The following PARP16 variants were observed in gnomAD, a reference collection of about 807,000 sequenced individuals.
The protein encoded by PARP16 is poly(ADP-ribose) polymerase family member 16, also known as protein mono-ADP-ribosyltransferase PARP16.
In PARP16, 31 loss-of-function variants were observed where a neutral mutation model predicts 35.0. The observed-to-expected ratio is 0.88, with a 90% CI of 0.66 to 1.19. The LOEUF (loss-of-function observed/expected upper bound fraction) is 1.19. PARP16 is among the 50% of genes most tolerant of loss of function. The pLI is 0.00. For missense variants in PARP16, 424 were observed against 411.2 expected (o/e 1.03, Z -0.27); for synonymous variants, 162 against 169.5 (o/e 0.96, Z 0.34).
intron 1 of PARP16, among the ~76,000 whole-genome samples, chr15:65,278,447 G>A (rs2090322768): frequency 6.6e-6 from 1 of 152,248 alleles, no homozygotes; most frequent in Non-Finnish European, 1.5e-5. Context: ...TAGCTGGAGA[G>A]ATAGCTGGGG....
intron 1 of PARP16, among the ~76,000 whole-genome samples, chr15:65,281,454 CCGAGGAGGG>C (rs2090419501): frequency 6.6e-6 from 1 of 152,222 alleles, no homozygotes; most frequent in Non-Finnish European, 1.5e-5. Flanking sequence ...GTTTGGGAGG[CCGAGGAGGG>C]CGAATCACCT....
At chr15:65,286,133 G>T in intron 1 of PARP16, 120 bp downstream of exon 1, 5 of 811,152 alleles carry the variant, frequency 6.2e-6, no homozygotes, top group Non-Finnish European at 9.1e-6. Context: ...GACCAAGCTG[G>T]GAATGGAAAG....
At position 65,266,710 on chromosome 15, in the gene PARP16, A is replaced by G. The variant is rs752476462; in HGVS notation, c.371T>C (p.Phe124Ser). Reference protein sequence around the residue: ...APHTPVPAPDFLFEIEYFDPA... With the variant: ...APHTPVPAPDSLFEIEYFDPA... ...GTCAAAGTACTCAATTTCAAACAGG[A>G]AGTCCGGTGCAGGAACAGGCGTGTG... Residue 124 changes from phenylalanine to serine, a missense_variant, in exon 3 of 6, where the codon TTC (phenylalanine) becomes TCC (serine). Phe to Ser is a radical substitution (Grantham distance 155). Coordinates refer to ENST00000649807, the MANE Select transcript of PARP16 (RefSeq NM_001316943.2). 1 of 1,614,146 alleles carries G rather than the reference A, an allele frequency of 6.2e-7. No homozygotes were observed. The highest frequency in any genetic ancestry group is 2.2e-5 in the East Asian group (1 of 44,880).
intron 3 of PARP16, among the ~76,000 whole-genome samples, chr15:65,266,281 G>C (rs1469245700): frequency 1.3e-5 from 2 of 152,126 alleles, no homozygotes; most frequent in African/African-American, 4.8e-5. Context: ...TCTTTAAATC[G>C]ACGCTTTTCA....
At chr15:65,275,712 T>C (rs1028045722) in intron 1 of PARP16, among the ~76,000 whole-genome samples, 19 of 152,116 alleles carry the variant, frequency 1.2e-4, no homozygotes, top group African/African-American at 4.6e-4. Flanking sequence ...CTTTGTTCTG[T>C]AGGTTATACA....
Position 65,286,448 on chromosome 15 carries a change from G to A in PARP16, c.-22C>T. 1.4e-6 allele frequency: 2 copies of A among 1,449,222 alleles called. No individual in the cohort carries two copies. Among genetic ancestry groups the A allele is most frequent in the East Asian group, 2.7e-5 (1 of 36,790 alleles). 89.8% of individuals were successfully genotyped at this position (1,449,222 alleles called of 1,614,324 possible). Reference sequence around the variant, plus strand: ...GCATCCCAGGTCACTGCGCGTTGCCGGGGTAGACGCGCTGGTTAGGGGCAA... The same window carrying A: ...GCATCCCAGGTCACTGCGCGTTGCCAGGGTAGACGCGCTGGTTAGGGGCAA... On this transcript the variant is annotated 5_prime_UTR_variant, in exon 1 of 6. Coordinates refer to ENST00000649807, the MANE Select transcript of PARP16 (RefSeq NM_001316943.2).
intron 4 of PARP16, among the ~76,000 whole-genome samples, chr15:65,261,464 G>GT (rs988000841): frequency 3.1e-4 from 42 of 136,790 alleles, no homozygotes; most frequent in Middle Eastern, 3.6e-3. Context: ...TTTTTTTTTT[G>GT]TTTTTTTTGA....
intron 1 of PARP16, among the ~76,000 whole-genome samples, chr15:65,271,406 T>A (rs1336254216): frequency 6.6e-6 from 1 of 152,078 alleles, no homozygotes; most frequent in Admixed American, 6.6e-5. Flanking sequence ...CCCGAGTAGC[T>A]GGGACTACAA....
chr15:65,238,878 AAGCAACTCAGGAGGCAGAGGCAGG>A (rs1225734374), intron 3 of PARP16, among the ~76,000 whole-genome samples: 98 of 152,326 alleles, frequency 6.4e-4, no homozygotes, highest in African/African-American at 2.3e-3. Context: ...CCTGTAATCC[AAGCAACTCAGGAGGCAGAGGCAGG>A]AGCACTGCTT....
chr15:65,282,094 C>T (rs1460979521), intron 1 of PARP16, among the ~76,000 whole-genome samples: 6 of 152,180 alleles, frequency 3.9e-5, no homozygotes, highest in Non-Finnish European at 8.8e-5. Flanking sequence ...CCACTACAGC[C>T]TTGACCTCCT....
intron 1 of PARP16, 111 bp downstream of exon 1, chr15:65,286,142 A>G (rs1199399779): frequency 1.1e-6 from 1 of 883,428 alleles, no homozygotes. Context: ...GGGAATGGAA[A>G]GTCTGGCGGC....
intron 1 of PARP16, among the ~76,000 whole-genome samples, chr15:65,273,708 C>A (rs1346471821): frequency 1.3e-5 from 2 of 151,922 alleles, no homozygotes; most frequent in African/African-American, 4.8e-5. Flanking sequence ...GAAACCCCAT[C>A]TCTACTAAAG....
intron 3 of PARP16, among the ~76,000 whole-genome samples, chr15:65,238,851 A>T (rs1054713323): frequency 6.6e-6 from 1 of 152,202 alleles, no homozygotes; most frequent in African/African-American, 2.4e-5. Flanking sequence ...AACCATATCT[A>T]TGTGCAGTGG....
At chr15:65,252,840 G>A (rs1294369413) in intron 2 of PARP16, among the ~76,000 whole-genome samples, 2 of 152,164 alleles carry the variant, frequency 1.3e-5, no homozygotes, top group African/African-American at 4.8e-5. Context: ...TAAATAAAAT[G>A]CAAGGCGGCT....
At chr15:65,242,478 C>CATCA (rs1182660367) in intron 3 of PARP16, among the ~76,000 whole-genome samples, 1 of 151,912 alleles carries the variant, frequency 6.6e-6, no homozygotes, top group Non-Finnish European at 1.5e-5. Flanking sequence ...ATCTTGAAAA[C>CATCA]ATCAGGTCTT....
chr15:65,260,622 G>A (rs553813452), intron 5 of PARP16, among the ~76,000 whole-genome samples: 1 of 152,306 alleles, frequency 6.6e-6, no homozygotes, highest in Admixed American at 6.5e-5. Flanking sequence ...ACTGTTTGCG[G>A]CAGCCAATTT....
chr15:65,257,535 C>T (rs187617082), downstream of PARP16, among the ~76,000 whole-genome samples: 17 of 148,704 alleles, frequency 1.1e-4, no homozygotes, highest in East Asian at 2.8e-3. Context: ...GAGGCTAAGG[C>T]AGGAAAACTG....
At chr15:65,273,371 T>A (rs911331043) in intron 1 of PARP16, among the ~76,000 whole-genome samples, 11 of 151,952 alleles carry the variant, frequency 7.2e-5, no homozygotes, top group African/African-American at 2.7e-4. Context: ...AGCTCTGTAG[T>A]TGAAAATTAG....
chr15:65,272,269 T>C (rs2090120278), intron 1 of PARP16, among the ~76,000 whole-genome samples: 1 of 152,246 alleles, frequency 6.6e-6, no homozygotes, highest in Non-Finnish European at 1.5e-5. Context: ...CCGTGGGACC[T>C]GTGATAGGAC....
Sources: gnomAD v4.1 joint callset for allele counts (sites outside exome capture counted in the v4.1 genomes callset) on GRCh38, gnomAD v4.1.1 for gene constraint, MANE v1.5 for transcripts, NCBI Gene and HGNC (gene_info 2026-07-23, HGNC 2026-07-21) for gene names.